The following DLGAP2 variants were observed in gnomAD, a reference collection of about 807,000 sequenced individuals.
DLGAP2 encodes DLG associated protein 2.
DLGAP2 carries 26 observed loss-of-function variants against 100.3 expected under a neutral mutation model. The observed-to-expected ratio is 0.26, with a 90% CI of 0.19 to 0.36. DLGAP2 has a LOEUF of 0.36. Ranked by LOEUF, DLGAP2 falls within the 10% of genes least tolerant of loss-of-function variation. DLGAP2 has a pLI of 1.00. For synonymous variants in DLGAP2, 886 were observed against 630.1 expected (o/e 1.41, Z -6.08); for missense variants, 1,858 against 1,453.2 (o/e 1.28, Z -4.53).
At chr8:1,700,566 C>T (rs576430603) in intron 14 of DLGAP2, among the ~76,000 whole-genome samples, 1 of 152,274 alleles carries the variant, frequency 6.6e-6, no homozygotes, top group Admixed American at 6.5e-5. Flanking sequence ...CGTATTTTAG[C>T]GTGACTTATC....
chr8:1,433,608 C>A, intron 3 of DLGAP2, among the ~76,000 whole-genome samples: 1 of 146,202 alleles, frequency 6.8e-6, no homozygotes, highest in Non-Finnish European at 1.6e-5. Flanking sequence ...ACTGGGCAGC[C>A]AACGCAGCTG....
At chr8:1,573,273 G>T (rs1220220395) in intron 6 of DLGAP2, among the ~76,000 whole-genome samples, 104 of 117,156 alleles carry the variant, frequency 8.9e-4, no homozygotes, top group South Asian at 1.9e-3. Context: ...GAGAGAGGGT[G>T]GACTGTGGGG....
At position 1,705,323 on chromosome 8, in the gene DLGAP2, T is replaced by G. The variant is rs2130901344; in HGVS notation, c.*3917T>G. The G allele has an allele frequency of 6.6e-6, 1 of 152,368 alleles. No homozygotes were observed. The highest frequency in any genetic ancestry group is 2.1e-4 in the South Asian group (1 of 4,834). The allele number at this position is 152,368 out of a possible 1,614,324, so 9.4% of individuals were successfully genotyped here. On this transcript the variant is annotated 3_prime_UTR_variant, in exon 15 of 15. Transcript: ENST00000637795. ...CCTCCTGGGAGATGCAGCTTTTGTT[T>G]CCGCTGCGTTTCATCAGTCAGCCTT...
intron 2 of DLGAP2, among the ~76,000 whole-genome samples, chr8:952,179 AT>A (rs1799497160): frequency 6.6e-6 from 1 of 152,098 alleles, no homozygotes; most frequent in Non-Finnish European, 1.5e-5. Flanking sequence ...AATCCGACCC[AT>A]TTTGCAGAGC....
intron 3 of DLGAP2, among the ~76,000 whole-genome samples, chr8:1,419,566 G>T (rs1473692739): frequency 6.6e-6 from 1 of 152,082 alleles, no homozygotes; most frequent in South Asian, 2.1e-4. Flanking sequence ...GTTGATACGT[G>T]TACATAATGT....
At chr8:1,655,900 G>A (rs1563044136) in intron 8 of DLGAP2, among the ~76,000 whole-genome samples, 1 of 152,248 alleles carries the variant, frequency 6.6e-6, no homozygotes, top group South Asian at 2.1e-4. Flanking sequence ...CCGTCATGAT[G>A]AGGAAGACGT....
chr8:754,582 C>T (rs938851504), intron 1 of DLGAP2, among the ~76,000 whole-genome samples: 1 of 152,168 alleles, frequency 6.6e-6, no homozygotes, highest in African/African-American at 2.4e-5. Flanking sequence ...TGCCCAGGTG[C>T]GGGGCTTACA....
chr8:1,101,098 G>A (rs1377409104), intron 2 of DLGAP2, among the ~76,000 whole-genome samples: 2 of 152,192 alleles, frequency 1.3e-5, no homozygotes, highest in African/African-American at 2.4e-5. Context: ...GGGCCTGAAC[G>A]GCATCTTCAC....
chr8:1,102,355 A>G (rs1804613859), intron 2 of DLGAP2, among the ~76,000 whole-genome samples: 1 of 147,760 alleles, frequency 6.8e-6, no homozygotes. Flanking sequence ...TATATTATAT[A>G]TCTATTATAT....
chr8:1,070,343 C>T (rs147622168), intron 2 of DLGAP2, among the ~76,000 whole-genome samples: 1 of 152,322 alleles, frequency 6.6e-6, no homozygotes, highest in Non-Finnish European at 1.5e-5. Flanking sequence ...GCCTGGTGAG[C>T]AGCGGCTGAC....
chr8:1,149,227 G>A (rs1206042305), intron 2 of DLGAP2, among the ~76,000 whole-genome samples: 11 of 152,038 alleles, frequency 7.2e-5, no homozygotes, highest in Admixed American at 7.2e-4. Flanking sequence ...CTCACTGCAA[G>A]CTCCGCCTTC....
At chr8:1,280,270 C>G (rs1006514372) in intron 3 of DLGAP2, among the ~76,000 whole-genome samples, 1 of 152,172 alleles carries the variant, frequency 6.6e-6, no homozygotes, top group Non-Finnish European at 1.5e-5. Flanking sequence ...TGAACCATCT[C>G]TGCACTTAGT....
chr8:911,396 A>T (rs1369780697), intron 2 of DLGAP2, among the ~76,000 whole-genome samples: 1 of 152,120 alleles, frequency 6.6e-6, no homozygotes, highest in African/African-American at 2.4e-5. Flanking sequence ...TGCATGCATA[A>T]TGTATGTTGG....
At chr8:1,151,373 T>C (rs1233643234) in intron 2 of DLGAP2, among the ~76,000 whole-genome samples, 2 of 152,278 alleles carry the variant, frequency 1.3e-5, no homozygotes, top group South Asian at 2.1e-4. Flanking sequence ...CAGGGGCTCA[T>C]AGGGCACTTT....
intron 1 of DLGAP2, among the ~76,000 whole-genome samples, chr8:795,989 CTGTCCAGTGAGAGCAGG>C (rs1796024648): frequency 1.5e-5 from 1 of 68,446 alleles, no homozygotes; most frequent in African/African-American, 6.3e-5. Context: ...GTGAGAGCAG[CTGTCCAGTGAGAGCAGG>C]CGTCCAGTGA....
intron 2 of DLGAP2, among the ~76,000 whole-genome samples, chr8:928,578 C>T (rs1386599893): frequency 6.6e-6 from 1 of 151,926 alleles, no homozygotes; most frequent in Non-Finnish European, 1.5e-5. Context: ...GGGTGGGATG[C>T]ACTCAGAAGA....
At chr8:985,218 T>C (rs1266699779) in intron 2 of DLGAP2, among the ~76,000 whole-genome samples, 2 of 152,152 alleles carry the variant, frequency 1.3e-5, no homozygotes, top group East Asian at 1.9e-4. Flanking sequence ...TGAGTCAAGA[T>C]ACAAGGTCCG....
chr8:1,378,595 T>C (rs531277197), intron 3 of DLGAP2, among the ~76,000 whole-genome samples: 26 of 151,890 alleles, frequency 1.7e-4, no homozygotes, highest in African/African-American at 5.8e-4. Flanking sequence ...CTGTCCATCC[T>C]GCTCACACCT....
chr8:1,363,393 C>T (rs572085439), intron 3 of DLGAP2, among the ~76,000 whole-genome samples: 1 of 152,314 alleles, frequency 6.6e-6, no homozygotes, highest in African/African-American at 2.4e-5. Context: ...CTGCGGCTGC[C>T]TCTCCTGCCT....
Sources: gnomAD v4.1 joint callset for allele counts (sites outside exome capture counted in the v4.1 genomes callset) on GRCh38, gnomAD v4.1.1 for gene constraint, MANE v1.5 for transcripts, NCBI Gene and HGNC (gene_info 2026-07-23, HGNC 2026-07-21) for gene names.